Variants in PALLD observed in about 807,000 individuals in gnomAD.
The protein encoded by PALLD is palladin.
A neutral mutation model predicts 123.5 loss-of-function variants in PALLD; 61 were observed. That is an observed-to-expected ratio of 0.49 (90% CI 0.40 to 0.61). The LOEUF (loss-of-function observed/expected upper bound fraction) is 0.61. Ranked by LOEUF, PALLD falls within the 20% of genes least tolerant of loss-of-function variation. The pLI is 0.00. For synonymous variants in PALLD, 465 were observed against 496.4 expected (o/e 0.94, Z 0.84); for missense variants, 1,273 against 1,377.0 (o/e 0.92, Z 1.20).
chr4:168,748,039 T>C (rs1730548232), intron 10 of PALLD, among the ~76,000 whole-genome samples: 1 of 152,166 alleles, frequency 6.6e-6, no homozygotes, highest in South Asian at 2.1e-4. Context: ...GAGAGAAATA[T>C]GGATAATGGA....
chr4:168,838,412 T>G (rs1208035691), intron 10 of PALLD, among the ~76,000 whole-genome samples: 2 of 151,998 alleles, frequency 1.3e-5, no homozygotes, highest in African/African-American at 2.4e-5. Flanking sequence ...GTTGCTTCTG[T>G]TTTCTTAGTG....
At chr4:168,645,379 T>C (rs1465858832) in intron 2 of PALLD, among the ~76,000 whole-genome samples, 1 of 152,154 alleles carries the variant, frequency 6.6e-6, no homozygotes, top group African/African-American at 2.4e-5. Flanking sequence ...TATTAGTAAG[T>C]AGTGCTTACA....
chr4:168,774,585 G>A (rs577217929), intron 10 of PALLD, among the ~76,000 whole-genome samples: 3 of 151,722 alleles, frequency 2.0e-5, no homozygotes, highest in South Asian at 2.1e-4. Flanking sequence ...AAAATTAGCC[G>A]AGTGTGGCGG....
intron 10 of PALLD, among the ~76,000 whole-genome samples, chr4:168,757,517 T>G (rs1188910731): frequency 2.0e-5 from 3 of 152,192 alleles, no homozygotes; most frequent in African/African-American, 4.8e-5. Flanking sequence ...CAACTCTCAT[T>G]TATTAGTTTA....
chr4:168,550,657 T>C (rs7678734), intron 2 of PALLD, among the ~76,000 whole-genome samples: 7,757 of 152,202 alleles, frequency 0.051, 655 homozygotes, highest in African/African-American at 0.17. Flanking sequence ...GGGGGCGCCC[T>C]CTTTGGGAAC....
At chr4:168,613,861 C>T (rs1372410378) in intron 2 of PALLD, among the ~76,000 whole-genome samples, 1 of 152,134 alleles carries the variant, frequency 6.6e-6, no homozygotes, top group Non-Finnish European at 1.5e-5. Flanking sequence ...GGTAGTGGTG[C>T]CACATAAATA....
intron 10 of PALLD, among the ~76,000 whole-genome samples, chr4:168,744,447 C>G (rs1386014971): frequency 6.6e-6 from 1 of 152,060 alleles, no homozygotes; most frequent in African/African-American, 2.4e-5. Flanking sequence ...TGTCTCTAGG[C>G]TATAGAGCAG....
chr4:168,569,895 C>T (rs1034871684), intron 2 of PALLD, among the ~76,000 whole-genome samples: 11 of 152,186 alleles, frequency 7.2e-5, no homozygotes, highest in Admixed American at 6.5e-4. Context: ...CAATCAGGGG[C>T]TTGTGTCTCT....
chr4:168,511,667 A>G lies in PALLD; in HGVS notation c.163A>G (p.Thr55Ala), dbSNP rs559411263. The change falls in exon 2 of 22, where the codon ACA becomes GCA. Residue 55 changes from threonine (T) to alanine (A), a missense_variant. By Grantham distance (58) the Thr-to-Ala change is moderately conservative (BLOSUM62 0). Around this residue, in one of 2 missense-constraint regions of PALLD, gnomAD observed 944 missense variants for 954.5 expected, o/e 0.99. Transcript: ENST00000505667. Reference protein sequence around the residue: ...LARRAIADSETEDFDSEKEIS... With the variant: ...LARRAIADSEAEDFDSEKEIS... ...CCGGAGAGCCATAGCCGACTCCGAAACAGAAGATTTTGACTCGGAAAAGGA... is the reference window on the plus strand; with the variant it reads ...CCGGAGAGCCATAGCCGACTCCGAAGCAGAAGATTTTGACTCGGAAAAGGA... 17 of 1,614,176 alleles carry G rather than the reference A, an allele frequency of 1.1e-5. No homozygotes were observed. Among genetic ancestry groups the G allele is most frequent in the South Asian group, 2.2e-5 (2 of 91,086 alleles).
chr4:168,858,996 T>C (rs1749037458), intron 10 of PALLD, among the ~76,000 whole-genome samples: 1 of 152,214 alleles, frequency 6.6e-6, no homozygotes, highest in African/African-American at 2.4e-5. Context: ...TTTTGTACTT[T>C]TGCATTAAGA....
At chr4:168,641,961 T>A (rs1777001899) in intron 2 of PALLD, among the ~76,000 whole-genome samples, 1 of 152,150 alleles carries the variant, frequency 6.6e-6, no homozygotes, top group Non-Finnish European at 1.5e-5. Context: ...GCGCAATGAA[T>A]GTTGATTGGG....
chr4:168,597,506 T>C (rs935253732), intron 2 of PALLD, among the ~76,000 whole-genome samples: 4 of 152,138 alleles, frequency 2.6e-5, no homozygotes, highest in African/African-American at 7.2e-5. Flanking sequence ...TAATATTTAT[T>C]GATGTACTGC....
chr4:168,770,108 A>T (rs1228043815), intron 10 of PALLD, among the ~76,000 whole-genome samples: 1 of 152,186 alleles, frequency 6.6e-6, no homozygotes, highest in Admixed American at 6.5e-5. Context: ...GGAGAGGGCA[A>T]CATTCATAGG....
At chr4:168,722,043 A>ATATG (rs776442161) in intron 10 of PALLD, among the ~76,000 whole-genome samples, 27 of 152,156 alleles carry the variant, frequency 1.8e-4, no homozygotes, top group Non-Finnish European at 2.8e-4. Flanking sequence ...ATTTATGTAT[A>ATATG]TATGTATGTA....
chr4:168,803,268 C>A (rs1002764571), intron 10 of PALLD, among the ~76,000 whole-genome samples: 3 of 152,094 alleles, frequency 2.0e-5, no homozygotes, highest in Non-Finnish European at 4.4e-5. Context: ...CACATCTTAC[C>A]ATGGTGGAGT....
chr4:168,699,786 A>G (rs1398978836), intron 8 of PALLD, among the ~76,000 whole-genome samples: 1 of 152,194 alleles, frequency 6.6e-6, no homozygotes, highest in Non-Finnish European at 1.5e-5. Context: ...ACCAGTAAAA[A>G]CAGTTTCTGA....
chr4:168,681,538 CA>C, intron 4 of PALLD, 140 bp downstream of exon 4: 7 of 380,264 alleles, frequency 1.8e-5, no homozygotes, highest in Admixed American at 4.2e-5. Context: ...GGTTGGAACA[CA>C]ATTTTTTTTT....
chr4:168,924,161 G>T (rs1448639179), intron 18 of PALLD, 94 bp from the exon 19 acceptor site: 3 of 1,084,866 alleles, frequency 2.8e-6, no homozygotes, highest in African/African-American at 3.1e-5. Context: ...TATCATAAAA[G>T]ATCTATTCAA....
At chr4:168,633,706 C>T (rs537048731) in intron 2 of PALLD, among the ~76,000 whole-genome samples, 1 of 152,270 alleles carries the variant, frequency 6.6e-6, no homozygotes, top group Non-Finnish European at 1.5e-5. Context: ...TTAGACACAT[C>T]CCTCTTGTCT....
Sources: allele counts gnomAD v4.1 joint callset (sites outside exome capture counted in the v4.1 genomes callset), GRCh38; gene constraint gnomAD v4.1.1; regional missense constraint gnomAD v4.1.1; transcripts MANE v1.5; gene names NCBI Gene and HGNC (gene_info 2026-07-23, HGNC 2026-07-21).